Variants in ZNF569 observed in about 807,000 individuals in gnomAD.
The protein encoded by ZNF569 is zinc finger protein 569, also known as DNA-binding protein.
Under a neutral mutation model 56.3 loss-of-function variants are expected in ZNF569, and 38 were observed. That is an observed-to-expected ratio of 0.68 (90% confidence interval 0.52 to 0.88). The LOEUF is 0.88. Among genes scored for constraint, ZNF569 ranks in the 40% least tolerant of loss-of-function variants. The pLI is 0.00. For synonymous variants in ZNF569, 241 were observed against 262.9 expected (o/e 0.92, Z 0.81); for missense variants, 666 against 809.2 (o/e 0.82, Z 2.15).
At chr19:37,446,267 G>C (rs1414020692) in intron 2 of ZNF569, among the ~76,000 whole-genome samples, 1 of 152,038 alleles carries the variant, frequency 6.6e-6, no homozygotes, top group Non-Finnish European at 1.5e-5. Flanking sequence ...AATGAAACTG[G>C]GGCCAGGTGT....
At chr19:37,467,614 A>G, upstream of ZNF569, 1 of 558,662 alleles carries the variant, frequency 1.8e-6, no homozygotes. Flanking sequence ...TGAGGCTAGA[A>G]TACAGCGGGG....
chr19:37,445,256 A>G (rs145213173), intron 2 of ZNF569, among the ~76,000 whole-genome samples: 140 of 152,304 alleles, frequency 9.2e-4, no homozygotes, highest in African/African-American at 3.0e-3. Flanking sequence ...GAAACTGACA[A>G]AACACCTAAA....
At position 37,438,143 on chromosome 19, in the gene ZNF569, GTAATCCCA is replaced by G. The variant is rs536716220; in HGVS notation, c.15+6756_15+6763del. Among the ~76,000 whole-genome samples the G allele has an allele frequency of 7.9e-5, 12 of 152,272 alleles. No individual in the cohort carries two copies. The East Asian group carries it at 1.5e-3, about 20-fold the overall frequency. ...AGGCCAGGAAGGGTGGCTTGTGCCTGTAATCCCAGCACTTTGGGAGGCTGAGGTGGGAG... is the reference window on the plus strand; with the variant it reads ...AGGCCAGGAAGGGTGGCTTGTGCCTGGCACTTTGGGAGGCTGAGGTGGGAG... On this transcript the variant is annotated intron_variant, in intron 3 of 5. Transcript: ENST00000316950.
At chr19:37,448,404 G>A (rs1270738223) in intron 2 of ZNF569, among the ~76,000 whole-genome samples, 3 of 151,842 alleles carry the variant, frequency 2.0e-5, no homozygotes, top group Non-Finnish European at 4.4e-5. Context: ...ATCTGTGGGG[G>A]TGAGTGTGAC....
chr19:37,462,467 A>T (rs2041771139), intron 2 of ZNF569, among the ~76,000 whole-genome samples: 1 of 151,852 alleles, frequency 6.6e-6, no homozygotes, highest in Non-Finnish European at 1.5e-5. Context: ...GATATCTCCA[A>T]CGTTTTCTTT....
At chr19:37,455,038 T>C (rs1238449505) in intron 2 of ZNF569, 1 of 544,910 alleles carries the variant, frequency 1.8e-6, no homozygotes, top group Admixed American at 3.4e-5. Flanking sequence ...CTTGTTGTAA[T>C]GATTGAAGCA....
At chr19:37,441,941 C>A (rs1272806211) in intron 3 of ZNF569, among the ~76,000 whole-genome samples, 1 of 152,174 alleles carries the variant, frequency 6.6e-6, no homozygotes, top group Non-Finnish European at 1.5e-5. Context: ...TAACAGAGAA[C>A]AGGGATACAA....
At chr19:37,450,550 T>C (rs1282655973) in intron 2 of ZNF569, among the ~76,000 whole-genome samples, 2 of 152,190 alleles carry the variant, frequency 1.3e-5, no homozygotes, top group African/African-American at 2.4e-5. Context: ...ATTTTTTTCA[T>C]AGTTTAGCTA....
intron 3 of ZNF569, among the ~76,000 whole-genome samples, chr19:37,437,257 A>C (rs2041325337): frequency 6.6e-6 from 1 of 152,230 alleles, no homozygotes. Context: ...CTGGTGCTGA[A>C]AAAGCATTTG....
At chr19:37,431,594 T>A (rs573992055) in intron 3 of ZNF569, 1 of 152,590 alleles carries the variant, frequency 6.6e-6, no homozygotes, top group Non-Finnish European at 1.5e-5. Context: ...ACATGCTGGC[T>A]TCAGGTGTGA....
At chr19:37,457,577 T>G (rs2041692951) in intron 2 of ZNF569, among the ~76,000 whole-genome samples, 1 of 151,364 alleles carries the variant, frequency 6.6e-6, no homozygotes, top group Non-Finnish European at 1.5e-5. Flanking sequence ...CTGAGCAAAC[T>G]ATCGCAAGGA....
At chr19:37,440,762 A>G (rs1362059977) in intron 3 of ZNF569, among the ~76,000 whole-genome samples, 1 of 152,250 alleles carries the variant, frequency 6.6e-6, no homozygotes, top group Non-Finnish European at 1.5e-5. Flanking sequence ...GCACACAATG[A>G]TAAGTATATA....
chr19:37,453,250 C>T (rs1370503440), intron 2 of ZNF569, among the ~76,000 whole-genome samples: 1 of 152,300 alleles, frequency 6.6e-6, no homozygotes, highest in Non-Finnish European at 1.5e-5. Context: ...TCTCCAGCAA[C>T]AGGGTATCCT....
chr19:37,463,167 C>T (rs2041780403), intron 2 of ZNF569, among the ~76,000 whole-genome samples: 1 of 152,158 alleles, frequency 6.6e-6, no homozygotes, highest in South Asian at 2.1e-4. Flanking sequence ...TACATGACTA[C>T]TTCTTAGCAT....
chr19:37,465,067 A>T (rs1226858103), intron 2 of ZNF569, among the ~76,000 whole-genome samples: 1 of 152,162 alleles, frequency 6.6e-6, no homozygotes, highest in Non-Finnish European at 1.5e-5. Context: ...CTCTTCATTA[A>T]CAGGCATGTT....
At chr19:37,457,835 A>T (rs188867192) in intron 2 of ZNF569, among the ~76,000 whole-genome samples, 33 of 152,138 alleles carry the variant, frequency 2.2e-4, no homozygotes, top group Non-Finnish European at 4.4e-4. Context: ...TTAAAGTATT[A>T]AAAAAAAGAA....
At position 37,449,142 on chromosome 19, in the gene ZNF569, T is replaced by A. The variant is rs113684554; in HGVS notation, c.-43-4178A>T. On this transcript the variant is annotated intron_variant, in intron 2 of 5. Coordinates refer to ENST00000316950, the MANE Select transcript of ZNF569 (RefSeq NM_152484.3). ...GGAGATTTTCCAGATACCTTTCTGTTCTTTACTTCTAGTTTTATTCTGCTA... is the reference window on the plus strand; with the variant it reads ...GGAGATTTTCCAGATACCTTTCTGTACTTTACTTCTAGTTTTATTCTGCTA... Among the ~76,000 whole-genome samples, 1,012 of 152,320 alleles carry A rather than the reference T, an allele frequency of 6.6e-3. 4 individuals carry two copies. Among genetic ancestry groups the A allele is most frequent in the Non-Finnish European group, 0.011 (734 of 68,022 alleles).
chr19:37,447,461 G>A (rs2041516692), intron 2 of ZNF569, among the ~76,000 whole-genome samples: 1 of 152,142 alleles, frequency 6.6e-6, no homozygotes, highest in Admixed American at 6.5e-5. Flanking sequence ...TGTAGAATAT[G>A]ACACATTAAT....
At chr19:37,443,439 A>T (rs1043496637) in intron 3 of ZNF569, among the ~76,000 whole-genome samples, 2 of 152,236 alleles carry the variant, frequency 1.3e-5, no homozygotes, top group Admixed American at 6.5e-5. Flanking sequence ...TATGTTCAGT[A>T]TCTGAGAGTG....
Sources: gnomAD v4.1 joint callset for allele counts (sites outside exome capture counted in the v4.1 genomes callset) on GRCh38, gnomAD v4.1.1 for gene constraint, MANE v1.5 for transcripts, NCBI Gene and HGNC (gene_info 2026-07-23, HGNC 2026-07-21) for gene names.